IDO2: variants seen among roughly 807,000 people sequenced by gnomAD.
IDO2 encodes indoleamine 2,3-dioxygenase 2.
IDO2 carries 46 observed loss-of-function variants against 45.1 expected under a neutral mutation model. The observed-to-expected ratio is 1.02, with a 90% confidence interval of 0.80 to 1.30. The LOEUF (loss-of-function observed/expected upper bound fraction) is 1.30. Among genes scored for constraint, IDO2 ranks in the 50% most tolerant of loss-of-function variants. The pLI is 0.00. For missense variants in IDO2, 544 were observed against 491.8 expected, an observed-to-expected ratio of 1.11 and a Z score of -1.00; for synonymous variants, 218 against 184.9, an observed-to-expected ratio of 1.18 and a Z score of -1.45.
exon 11 of IDO2, chr8:40,016,240 C>T: frequency 2.5e-6 from 1 of 398,210 alleles, no homozygotes; most frequent in Non-Finnish European, 4.4e-6. Context: ...ATTGTAATGC[C>T]TTTATTTTTA....
intron 5 of IDO2, among the ~76,000 whole-genome samples, chr8:39,984,613 CT>C: frequency 6.6e-6 from 1 of 152,250 alleles, no homozygotes; most frequent in Non-Finnish European, 1.5e-5. Context: ...TGGTAATTAC[CT>C]TTTGAAGCCT....
intron 3 of IDO2, among the ~76,000 whole-genome samples, chr8:39,977,706 C>G (rs1344054062): frequency 5.3e-5 from 8 of 152,210 alleles, no homozygotes; most frequent in Admixed American, 5.2e-4. Flanking sequence ...CGAAACAAAA[C>G]AAGTAACATC....
exon 11 of IDO2, chr8:40,015,408 C>G (rs745850654): frequency 6.2e-7 from 1 of 1,613,812 alleles, no homozygotes; most frequent in Non-Finnish European, 8.5e-7. Flanking sequence ...GGCAGAGCTG[C>G]GGAGCTATCA....
intron 7 of IDO2, 33 bp from the exon 8 acceptor site, chr8:39,989,688 C>T (rs1808472597): frequency 7.0e-7 from 1 of 1,424,446 alleles, no homozygotes; most frequent in Non-Finnish European, 9.7e-7. Flanking sequence ...TAAGGGAGTG[C>T]TAATAAGTTG....
At chr8:39,970,494 C>T (rs1189436519) in intron 3 of IDO2, among the ~76,000 whole-genome samples, 3 of 152,102 alleles carry the variant, frequency 2.0e-5, no homozygotes, top group Admixed American at 6.5e-5. Flanking sequence ...TAGGTTCAAG[C>T]AATTCTCCTG....
At chr8:39,973,576 A>G (rs1309555660) in intron 3 of IDO2, among the ~76,000 whole-genome samples, 2 of 152,118 alleles carry the variant, frequency 1.3e-5, no homozygotes, top group African/African-American at 4.8e-5. Context: ...TTTATAAAAT[A>G]TTATAATAGC....
chr8:40,012,825 GC>G (rs1170362766), intron 9 of IDO2, among the ~76,000 whole-genome samples: 2 of 152,134 alleles, frequency 1.3e-5, no homozygotes, highest in African/African-American at 4.8e-5. Context: ...CCCAGTCCCA[GC>G]CTTTCTGCAT....
chr8:39,941,567 C>T (rs1435874554), intron 1 of IDO2, among the ~76,000 whole-genome samples: 1 of 151,998 alleles, frequency 6.6e-6, no homozygotes, highest in African/African-American at 2.4e-5. Context: ...CCACAAGTAA[C>T]ATGGGTCTAG....
chr8:39,950,873 C>G (rs866010029), intron 2 of IDO2, among the ~76,000 whole-genome samples: 1 of 152,096 alleles, frequency 6.6e-6, no homozygotes, highest in African/African-American at 2.4e-5. Flanking sequence ...CCAGACATGC[C>G]GGAGCAAGCT....
chr8:39,954,649 CTTTT>C (rs542016899), intron 2 of IDO2, among the ~76,000 whole-genome samples: 2 of 84,714 alleles, frequency 2.4e-5, no homozygotes, highest in Non-Finnish European at 2.2e-5. Flanking sequence ...GTCTCTCTCT[CTTTT>C]TTTTTTTTTT....
chr8:39,954,961 CCT>C (rs1201774806), intron 2 of IDO2, among the ~76,000 whole-genome samples: 2 of 151,436 alleles, frequency 1.3e-5, no homozygotes, highest in Admixed American at 6.6e-5. Flanking sequence ...CCAGTCTCCC[CCT>C]GTCTCTTTGT....
intron 3 of IDO2, among the ~76,000 whole-genome samples, chr8:39,965,754 A>G (rs1808075605): frequency 6.6e-6 from 1 of 152,108 alleles, no homozygotes; most frequent in Non-Finnish European, 1.5e-5. Flanking sequence ...TGGAGGTAGA[A>G]TTGGAATGAT....
chr8:39,963,704 G>A lies in IDO2; in HGVS notation c.195+1G>A, dbSNP rs770842150. 1 of 1,583,766 alleles carries A rather than the reference G, an allele frequency of 6.3e-7. No individual in the cohort carries two copies. Among genetic ancestry groups the A allele is most frequent in the Non-Finnish European group, 8.6e-7 (1 of 1,156,212 alleles). ...CCAGCTTCAAGCTCATGTGGACAAG[G>A]TATTCTTCTCTTCACCCCCTCATCA... On this transcript the variant is annotated splice_donor_variant, in intron 3 of 10. Coordinates refer to ENST00000502986, the Ensembl canonical transcript of IDO2. LOFTEE classifies it high-confidence loss of function.
intron 8 of IDO2, among the ~76,000 whole-genome samples, chr8:39,991,662 C>T (rs1317346592): frequency 6.6e-6 from 1 of 151,658 alleles, no homozygotes; most frequent in African/African-American, 2.4e-5. Flanking sequence ...GCTCTGCCTC[C>T]CGGGTTCAAG....
intron 1 of IDO2, among the ~76,000 whole-genome samples, chr8:39,943,460 G>C (rs559739181): frequency 6.6e-6 from 1 of 152,050 alleles, no homozygotes; most frequent in Admixed American, 6.6e-5. Context: ...ATAGCTGGCC[G>C]GGCGCGGTGG....
intron 2 of IDO2, among the ~76,000 whole-genome samples, chr8:39,958,357 C>T (rs990411201): frequency 1.3e-5 from 2 of 150,608 alleles, no homozygotes; most frequent in Non-Finnish European, 3.0e-5. Flanking sequence ...CCTCAGCCTC[C>T]CGAACAGCTG....
chr8:39,945,610 G>A (rs1418679591), intron 1 of IDO2, among the ~76,000 whole-genome samples: 1 of 152,166 alleles, frequency 6.6e-6, no homozygotes, highest in Non-Finnish European at 1.5e-5. Flanking sequence ...AGGGAAGAAT[G>A]TCTAAAGAGA....
chr8:39,989,609 G>C (rs1808471525), intron 7 of IDO2, 112 bp from the exon 8 acceptor site: 8 of 726,990 alleles, frequency 1.1e-5, no homozygotes, highest in Non-Finnish European at 1.6e-5. Context: ...TTCCCAGGAA[G>C]CTCTGACAAA....
intron 9 of IDO2, among the ~76,000 whole-genome samples, chr8:40,007,566 C>A (rs1474569473): frequency 4.6e-5 from 7 of 152,136 alleles, no homozygotes; most frequent in Admixed American, 1.3e-4. Context: ...GAAAAATGGA[C>A]CATTTTTAAA....
Sources: gnomAD v4.1 joint callset for allele counts (sites outside exome capture counted in the v4.1 genomes callset) on GRCh38, gnomAD v4.1.1 for gene constraint, MANE v1.5 for transcripts, NCBI Gene and HGNC (gene_info 2026-07-23, HGNC 2026-07-21) for gene names.